The following DLG2 variants were observed in gnomAD, a reference collection of about 807,000 sequenced individuals.
DLG2 encodes discs large MAGUK scaffold protein 2.
In DLG2, 45 loss-of-function variants were observed where a neutral mutation model predicts 132.5. The observed-to-expected ratio is 0.34, with a 90% CI of 0.27 to 0.44. The LOEUF (loss-of-function observed/expected upper bound fraction) is 0.44. Ranked by LOEUF, DLG2 falls within the 20% of genes least tolerant of loss-of-function variation. The probability of loss-of-function intolerance (pLI) is 1.00; values close to 1 mark genes in which losing one functional copy is unlikely to be tolerated. For synonymous variants in DLG2, 424 were observed against 419.6 expected (o/e 1.01, Z -0.13); for missense variants, 1,045 against 1,196.9 (o/e 0.87, Z 1.87).
intron 6 of DLG2, among the ~76,000 whole-genome samples, chr11:84,787,197 C>T (rs2073051112): frequency 6.6e-6 from 1 of 152,130 alleles, no homozygotes; most frequent in Admixed American, 6.5e-5. Flanking sequence ...TGGCAAGTGT[C>T]TCTGGTAAGT....
At chr11:84,638,941 T>C (rs2099646292) in intron 6 of DLG2, among the ~76,000 whole-genome samples, 2 of 152,216 alleles carry the variant, frequency 1.3e-5, no homozygotes. Flanking sequence ...CTGAATATAA[T>C]TCAAGAACCT....
intron 6 of DLG2, among the ~76,000 whole-genome samples, chr11:84,795,748 C>A (rs557730706): frequency 6.6e-6 from 1 of 152,130 alleles, no homozygotes; most frequent in Admixed American, 6.5e-5. Flanking sequence ...TAGACGCTTC[C>A]GGAGCCAGGG....
chr11:84,584,314 T>C (rs1014857627), intron 6 of DLG2, among the ~76,000 whole-genome samples: 1 of 152,120 alleles, frequency 6.6e-6, no homozygotes, highest in East Asian at 1.9e-4. Flanking sequence ...GTTTACCTTT[T>C]CTTTTGAAAT....
chr11:83,917,444 C>T (rs922777106), intron 15 of DLG2, among the ~76,000 whole-genome samples: 2 of 151,544 alleles, frequency 1.3e-5, no homozygotes, highest in South Asian at 4.2e-4. Context: ...CTGATATTGA[C>T]ACATGTTTAG....
At chr11:84,113,450 T>G (rs2093466807) in intron 9 of DLG2, among the ~76,000 whole-genome samples, 1 of 152,178 alleles carries the variant, frequency 6.6e-6, no homozygotes, top group Admixed American at 6.5e-5. Flanking sequence ...AAAACATTCC[T>G]GAAAACTAAT....
chr11:83,829,183 T>C (rs1250163060), intron 17 of DLG2, among the ~76,000 whole-genome samples: 1 of 147,628 alleles, frequency 6.8e-6, no homozygotes, highest in Non-Finnish European at 1.5e-5. Flanking sequence ...TAATATGTAT[T>C]GAATTTTATT....
chr11:84,415,800 C>T (rs1567574956), intron 7 of DLG2, among the ~76,000 whole-genome samples: 1 of 152,112 alleles, frequency 6.6e-6, no homozygotes, highest in Non-Finnish European at 1.5e-5. Flanking sequence ...CATTTTGTTG[C>T]TCCAAAACTC....
rs374962814 is a variant in DLG2, at chr11:83,590,688, T to C, written c.1940+42523A>G. 2.0e-4 allele frequency among the ~76,000 whole-genome samples: 31 copies of C among 152,132 alleles called. 1 individual carries two copies. The highest frequency in any genetic ancestry group is 6.5e-4 in the African/African-American group (27 of 41,506). On this transcript the variant is annotated intron_variant, in intron 19 of 27. Transcript: ENST00000376104. Reference sequence around the variant, plus strand: ...AGACACCAAAAACCCTTCAAAAAATTAATGAATCCAGGAGCTGGTTTTTTG... The same window carrying C: ...AGACACCAAAAACCCTTCAAAAAATCAATGAATCCAGGAGCTGGTTTTTTG...
At chr11:84,375,336 A>G (rs1438425105) in intron 7 of DLG2, among the ~76,000 whole-genome samples, 1 of 152,166 alleles carries the variant, frequency 6.6e-6, no homozygotes, top group Non-Finnish European at 1.5e-5. Flanking sequence ...ATTAACTGCT[A>G]TAATTATTGC....
intron 6 of DLG2, among the ~76,000 whole-genome samples, chr11:85,054,278 A>G (rs1333064393): frequency 6.6e-6 from 1 of 151,776 alleles, no homozygotes; most frequent in African/African-American, 2.4e-5. Context: ...AAAAAAAAAG[A>G]AAGAAAAGAA....
chr11:85,520,418 C>A (rs2074202201), intron 3 of DLG2, among the ~76,000 whole-genome samples: 1 of 151,890 alleles, frequency 6.6e-6, no homozygotes, highest in South Asian at 2.1e-4. Flanking sequence ...AACCTTTCTA[C>A]CCAAAGAAGT....
chr11:85,170,204 G>A (rs943325357), intron 4 of DLG2, among the ~76,000 whole-genome samples: 2 of 152,178 alleles, frequency 1.3e-5, no homozygotes, highest in African/African-American at 2.4e-5. Context: ...ACAAAAAGGG[G>A]TATGATCTAA....
rs1446236357 is a variant in DLG2, at chr11:83,588,606, G to C, written c.1940+44605C>G. 2.6e-5 allele frequency among the ~76,000 whole-genome samples: 4 copies of C among 151,750 alleles called. No individual in the cohort carries two copies. In the East Asian group the frequency reaches 7.8e-4, roughly 30 times the overall value. ...GCCTCTCCTCCTCCAAAGGAACGCA[G>C]TTCCTCACCAGCAACGGAACAAAGC... On this transcript the variant is annotated intron_variant, in intron 19 of 27. Transcript: ENST00000376104.
chr11:85,134,881 G>A (rs17810088), intron 5 of DLG2, among the ~76,000 whole-genome samples: 16,626 of 152,154 alleles, frequency 0.11, 1,190 homozygotes, highest in East Asian at 0.29. Context: ...CTTCTGAACT[G>A]CTATCCTACT....
intron 21 of DLG2, among the ~76,000 whole-genome samples, chr11:83,519,873 T>G (rs1249168828): frequency 6.6e-6 from 1 of 152,218 alleles, no homozygotes; most frequent in Non-Finnish European, 1.5e-5. Context: ...GACTGTCATT[T>G]GGGCTTAGAC....
In DLG2 at chr11:85,539,551, G is replaced by A. The variant is rs112386496; in HGVS notation, c.40+59106C>T. ...GTATGAGCTTTCTTTTTGGGATTAT[G>A]GAAATATTCTGGAGCTAGTTACTGA... On this transcript the variant is annotated intron_variant, in intron 3 of 27. Transcript: ENST00000376104. Among the ~76,000 whole-genome samples, 13 of 152,224 alleles carry A rather than the reference G, an allele frequency of 8.5e-5. 1 individual carries two copies. Among genetic ancestry groups the A allele is most frequent in the African/African-American group, 2.9e-4 (12 of 41,554 alleles).
chr11:85,211,377 G>C (rs1242452944), intron 4 of DLG2, among the ~76,000 whole-genome samples: 1 of 152,084 alleles, frequency 6.6e-6, no homozygotes, highest in African/African-American at 2.4e-5. Context: ...TTCATAAACA[G>C]TTAATAATTT....
At chr11:84,861,927 A>G (rs1216614967) in intron 6 of DLG2, among the ~76,000 whole-genome samples, 1 of 151,320 alleles carries the variant, frequency 6.6e-6, no homozygotes, top group Non-Finnish European at 1.5e-5. Context: ...TCAGTAAACT[A>G]TCGCAAGAAC....
intron 5 of DLG2, among the ~76,000 whole-genome samples, chr11:85,119,434 G>C (rs1216199769): frequency 1.3e-5 from 2 of 151,942 alleles, no homozygotes; most frequent in Non-Finnish European, 2.9e-5. Flanking sequence ...CTAAATACAA[G>C]ATTTAAAAGC....
Sources: gnomAD v4.1 joint callset for allele counts (sites outside exome capture counted in the v4.1 genomes callset) on GRCh38, gnomAD v4.1.1 for gene constraint, MANE v1.5 for transcripts, NCBI Gene and HGNC (gene_info 2026-07-23, HGNC 2026-07-21) for gene names.